The following SPTB variants were observed in gnomAD, a reference collection of about 807,000 sequenced individuals.
SPTB encodes spectrin beta, erythrocytic, also known as spectrin beta chain, erythrocytic.
A neutral mutation model predicts 256.2 loss-of-function variants in SPTB; 45 were observed. The ratio of observed to expected loss-of-function variants is 0.18; its 90% CI spans 0.14 to 0.23. The LOEUF is 0.23. SPTB is among the 10% of genes least tolerant of loss of function. The pLI, the probability that SPTB is intolerant of heterozygous loss-of-function variation, is 1.00. For missense variants in SPTB, 2,715 were observed against 3,040.4 expected (o/e 0.89, Z 2.52); for synonymous variants, 1,231 against 1,243.1 (o/e 0.99, Z 0.21).
intron 32 of SPTB, among the ~76,000 whole-genome samples, chr14:64,761,823 A>G (rs949069753): frequency 4.0e-5 from 6 of 151,852 alleles, no homozygotes; most frequent in Non-Finnish European, 8.8e-5. Flanking sequence ...AAGATTAGAG[A>G]GAGTTAGAAG....
rs761286877 is a variant in SPTB at position 64,785,721 on chromosome 14, G to T, written c.3764+28C>A. On this transcript the variant is annotated intron_variant, in intron 17 of 35. Coordinates refer to ENST00000644917, the MANE Select transcript of SPTB (RefSeq NM_001355436.2). The surrounding 1 kb of genome is among the most constrained non-coding windows in gnomAD (Gnocchi z 4.4). ...TCACTACCCCCGTGTGGCTCTGGGG[G>T]CCTCGTGGCCCTGGGGCCCGGGAGT... 2.5e-6 allele frequency: 4 copies of T among 1,613,840 alleles called. No individual in the cohort carries two copies. In the Admixed American group the frequency reaches 6.7e-5, roughly 27 times the overall value.
At chr14:64,780,605 G>C (rs1381321585) in intron 20 of SPTB, among the ~76,000 whole-genome samples, 1 of 152,150 alleles carries the variant, frequency 6.6e-6, no homozygotes, top group Non-Finnish European at 1.5e-5. Flanking sequence ...TAGAGACAAG[G>C]TTTCTCCATG....
intron 1 of SPTB, among the ~76,000 whole-genome samples, chr14:64,867,157 A>G (rs1423316394): frequency 6.6e-6 from 1 of 152,214 alleles, no homozygotes; most frequent in East Asian, 1.9e-4. Context: ...TCAAGTCTAA[A>G]GCAATCCTCT....
At chr14:64,801,240 C>T in intron 7 of SPTB, 45 bp downstream of exon 7, 5 of 1,519,972 alleles carry the variant, frequency 3.3e-6, no homozygotes, top group Admixed American at 1.7e-5. Context: ...GCGAGTGCAT[C>T]CCCCACTGCT....
At chr14:64,773,850 G>A (rs1166225765) in intron 24 of SPTB, among the ~76,000 whole-genome samples, 1 of 152,220 alleles carries the variant, frequency 6.6e-6, no homozygotes. Flanking sequence ...GGAAACCTCT[G>A]GGGTGGCTGC....
intron 2 of SPTB, among the ~76,000 whole-genome samples, chr14:64,812,702 G>A (rs983665734): frequency 6.6e-6 from 1 of 151,902 alleles, no homozygotes; most frequent in Non-Finnish European, 1.5e-5. Flanking sequence ...TGACGTCACG[G>A]GCATCTGGGA....
At chr14:64,799,094 T>C (rs896424483) in intron 9 of SPTB, among the ~76,000 whole-genome samples, 4 of 151,368 alleles carry the variant, frequency 2.6e-5, no homozygotes, top group Admixed American at 6.6e-5. Context: ...TGTATGTGTA[T>C]GAGTGCACGG....
chr14:64,809,262 CAAAA>C (rs57245539), intron 2 of SPTB, among the ~76,000 whole-genome samples: 6,272 of 90,984 alleles, frequency 0.069, 175 homozygotes, highest in East Asian at 0.23. Context: ...AACTTTGTAT[CAAAA>C]AAAAAAAAAA....
In SPTB at chr14:64,749,519, C is replaced by A. The variant is rs752594921; in HGVS notation, c.6820-46G>T. 2.5e-6 allele frequency: 4 copies of A among 1,597,680 alleles called. No homozygotes were observed. The highest frequency in any genetic ancestry group is 3.4e-6 in the Non-Finnish European group (4 of 1,177,384). On this transcript the variant is annotated intron_variant, in intron 35 of 35. Coordinates refer to ENST00000644917, the MANE Select transcript of SPTB (RefSeq NM_001355436.2). This position sits in a 1 kb window ranked among gnomAD's most constrained non-coding sequence, Gnocchi z 4.7. ...GTGGAGTCTGGAGGCCCACAGCCCCCCACCTCCCGGGCCAGGCAACAATGG... is the reference window on the plus strand; with the variant it reads ...GTGGAGTCTGGAGGCCCACAGCCCCACACCTCCCGGGCCAGGCAACAATGG...
chr14:64,840,986 C>G (rs187454141), intron 1 of SPTB, among the ~76,000 whole-genome samples: 1 of 152,184 alleles, frequency 6.6e-6, no homozygotes, highest in African/African-American at 2.4e-5. Context: ...CATTTCTTAT[C>G]GGCACAGCTG....
intron 1 of SPTB, among the ~76,000 whole-genome samples, chr14:64,828,055 T>C (rs558613911): frequency 6.6e-6 from 1 of 152,344 alleles, no homozygotes; most frequent in East Asian, 1.9e-4. Flanking sequence ...AGTGCATCAC[T>C]GATGGACTAT....
chr14:64,850,974 G>A (rs1488215797), intron 1 of SPTB, among the ~76,000 whole-genome samples: 1 of 152,172 alleles, frequency 6.6e-6, no homozygotes, highest in Non-Finnish European at 1.5e-5. Flanking sequence ...TCTTCTTTCT[G>A]TCTATGTACA....
chr14:64,846,744 T>C (rs1287947197), intron 1 of SPTB, among the ~76,000 whole-genome samples: 2 of 152,220 alleles, frequency 1.3e-5, no homozygotes, highest in African/African-American at 2.4e-5. Context: ...TATACATTCA[T>C]GTCTTGTTTA....
At position 64,801,295 on chromosome 14, in the gene SPTB, G is replaced by T. The variant is rs143077561; in HGVS notation, c.753C>A (p.Leu251=). 5.8e-5 allele frequency: 93 copies of T among 1,613,682 alleles called. No individual in the cohort carries two copies. The highest frequency in any genetic ancestry group is 7.9e-5 in the Non-Finnish European group (93 of 1,179,776). Residue 251 remains leucine (L), a synonymous_variant, in exon 7 of 36, where the codon CTC becomes CTA. Transcript: ENST00000644917. ...AERQLGIIPL[L]DPEDVFTENP... Reference sequence around the variant, plus strand: ...GTGGGTGTGGCTCACCTTCGGGGTCGAGGAGCGGGATGATGCCCAGCTGGC... The same window carrying T: ...GTGGGTGTGGCTCACCTTCGGGGTCTAGGAGCGGGATGATGCCCAGCTGGC...
rs750955903 is a variant in SPTB at position 64,800,856 on chromosome 14, T to C, written c.776A>G (p.Glu259Gly). The change falls in exon 8 of 36, where the codon GAA becomes GGA. Residue 259 changes from glutamate to glycine, a missense_variant. Glu to Gly is a moderately conservative substitution (Grantham distance 98). Coordinates refer to ENST00000644917, the MANE Select transcript of SPTB (RefSeq NM_001355436.2). The stretch of plus-strand genomic sequence containing the variant: ...GATGATGGATTTCTCATCAGGGTTT[T>C]CCGTAAAGACATCTGTTAGGGAAAA... ...PLLDPEDVFT[E>G]NPDEKSIITY... 1.6e-5 allele frequency: 26 copies of C among 1,614,016 alleles called. No homozygotes were observed. The highest frequency in any genetic ancestry group is 7.7e-5 in the South Asian group (7 of 91,018).
intron 1 of SPTB, among the ~76,000 whole-genome samples, chr14:64,838,202 A>T (rs189574358): frequency 3.9e-4 from 60 of 152,338 alleles, no homozygotes; most frequent in Admixed American, 3.9e-3. Context: ...ACAACTGGAC[A>T]TCCATATGCA....
Position 64,784,511 on chromosome 14 carries a change from AAG to A in SPTB, c.3856-120_3856-119del, listed in dbSNP as rs371617195. On this transcript the variant is annotated intron_variant, in intron 18 of 35. Coordinates refer to ENST00000644917, the MANE Select transcript of SPTB (RefSeq NM_001355436.2). ...CCATGGGGAGGAAGTGCAAGCACAG[AAG>A]AGAACCCATCTGCAGTTCTGGATCC... The A allele has an allele frequency of 1.3e-3, 1,783 of 1,341,572 alleles. 28 individuals carry two copies. In the South Asian group the frequency reaches 0.02, roughly 15 times the overall value. 83.1% of individuals were successfully genotyped at this position (1,341,572 alleles called of 1,614,324 possible). A position where few individuals can be genotyped will look rare whatever the true frequency, so the allele number is the denominator to read the frequency against.
At position 64,779,759 on chromosome 14, in the gene SPTB, T is replaced by C. The variant is rs765869279; in HGVS notation, c.4439A>G (p.Lys1480Arg). The C allele has an allele frequency of 1.2e-6, 2 of 1,614,154 alleles. No homozygotes were observed. Reference protein sequence around the residue: ...RKKQLESSRAKLQISRDLEDE... With the variant: ...RKKQLESSRARLQISRDLEDE... ...CTCTAAGTCCCGGCTGATCTGCAGC[T>C]TGGCTCTGGATGATTCCAGCTGCTT... The change falls in exon 21 of 36, where the codon AAG becomes AGG. Residue 1480 changes from lysine (K) to arginine (R), a missense_variant. By Grantham distance (26) the Lys-to-Arg change is conservative. Transcript: ENST00000644917. The surrounding 1 kb of genome is among the most constrained non-coding windows in gnomAD (Gnocchi z 4.2).
intron 19 of SPTB, among the ~76,000 whole-genome samples, chr14:64,783,452 T>G (rs2082508928): frequency 6.6e-6 from 1 of 152,202 alleles, no homozygotes; most frequent in South Asian, 2.1e-4. Flanking sequence ...TCCGCCCACC[T>G]CAGCCTCCCA....
Sources: gnomAD v4.1 joint callset for allele counts (sites outside exome capture counted in the v4.1 genomes callset) on GRCh38, gnomAD v4.1.1 for gene constraint, Gnocchi (gnomAD v3.1) non-coding constraint, MANE v1.5 for transcripts, NCBI Gene and HGNC (gene_info 2026-07-23, HGNC 2026-07-21) for gene names.